CAMTA1: variants seen among roughly 807,000 people sequenced by gnomAD.
The protein encoded by CAMTA1 is calmodulin binding transcription activator 1.
In CAMTA1, 27 loss-of-function variants were observed where a neutral mutation model predicts 170.9. The ratio of observed to expected loss-of-function variants is 0.16; its 90% CI spans 0.12 to 0.22. The LOEUF is 0.22. Among genes scored for constraint, CAMTA1 ranks in the 10% least tolerant of loss-of-function variants. The probability of loss-of-function intolerance (pLI) is 1.00; values close to 1 mark genes in which losing one functional copy is unlikely to be tolerated. For synonymous variants in CAMTA1, 833 were observed against 891.5 expected, an observed-to-expected ratio of 0.93 and a Z score of 1.17; for missense variants, 1,619 against 2,217.2, an observed-to-expected ratio of 0.73 and a Z score of 5.42.
chr1:6,961,433 A>G (rs1004704825), intron 3 of CAMTA1, among the ~76,000 whole-genome samples: 4 of 152,030 alleles, frequency 2.6e-5, no homozygotes, highest in African/African-American at 9.7e-5. Context: ...GGGTGCTGGT[A>G]AGACCTTGGG....
intron 5 of CAMTA1, among the ~76,000 whole-genome samples, chr1:7,351,010 G>A (rs954267003): frequency 2.0e-5 from 3 of 152,222 alleles, no homozygotes; most frequent in African/African-American, 4.8e-5. Context: ...GGTCCTCTAG[G>A]CCCATCACGG....
chr1:7,245,327 CTT>C (rs1665592332), intron 4 of CAMTA1, among the ~76,000 whole-genome samples: 2 of 150,744 alleles, frequency 1.3e-5, no homozygotes, highest in South Asian at 2.1e-4. Context: ...ATATTTCTGT[CTT>C]ATATATAATA....
rs1413231906 is a variant in CAMTA1 at position 7,673,040 on chromosome 1, G to A, written c.2779+2003G>A. Reference sequence around the variant, plus strand: ...GGGACCCCGGCCCGGCGGGAGTGGCGGGGAGGGCACTGTGGAATTAAACAG... The same window carrying A: ...GGGACCCCGGCCCGGCGGGAGTGGCAGGGAGGGCACTGTGGAATTAAACAG... On this transcript the variant is annotated intron_variant, in intron 10 of 22. Transcript: ENST00000303635. The surrounding 1 kb of genome is among the most constrained non-coding windows in gnomAD (Gnocchi z 4.6). Among the ~76,000 whole-genome samples, 3 of 152,166 alleles carry A rather than the reference G, an allele frequency of 2.0e-5. No individual in the cohort carries two copies. The highest frequency in any genetic ancestry group is 2.9e-5 in the Non-Finnish European group (2 of 68,042).
rs1392287368 is a variant in CAMTA1, at chr1:7,064,077, C to CCTCCTCCTCCTTCTT, written c.235-27218_235-27204dup. ...GCCTTTGCCTTCACCTTCTCCTCCT[C>CCTCCTCCTCCTTCTT]CTCCTCCTCCTTCTTCTCCTCCTTC... On this transcript the variant is annotated intron_variant, in intron 3 of 22. Coordinates refer to ENST00000303635, the MANE Select transcript of CAMTA1 (RefSeq NM_015215.4). This position sits in a 1 kb window ranked among gnomAD's most constrained non-coding sequence, Gnocchi z 5.4. Among the ~76,000 whole-genome samples, 1 of 151,808 alleles carries CCTCCTCCTCCTTCTT rather than the reference C, an allele frequency of 6.6e-6. No homozygotes were observed. The highest frequency in any genetic ancestry group is 2.4e-5 in the African/African-American group (1 of 41,298).
intron 6 of CAMTA1, among the ~76,000 whole-genome samples, chr1:7,536,868 G>A (rs1234709678): frequency 6.6e-6 from 1 of 152,116 alleles, no homozygotes; most frequent in African/African-American, 2.4e-5. Context: ...GCTGGCCAAG[G>A]TCTCACTGAC....
chr1:7,189,284 A>G (rs538038472), intron 4 of CAMTA1, among the ~76,000 whole-genome samples: 1 of 152,348 alleles, frequency 6.6e-6, no homozygotes, highest in South Asian at 2.1e-4. Context: ...CCATGCAGCA[A>G]TGAACAAGAA....
chr1:6,883,785 CAGTG>C (rs1190646419), intron 3 of CAMTA1, among the ~76,000 whole-genome samples: 8 of 152,024 alleles, frequency 5.3e-5, no homozygotes, highest in African/African-American at 1.2e-4. Context: ...GTAGCAGTGT[CAGTG>C]AGTCACGTGT....
At chr1:7,382,141 T>C (rs937909668) in intron 5 of CAMTA1, among the ~76,000 whole-genome samples, 1 of 152,194 alleles carries the variant, frequency 6.6e-6, no homozygotes, top group Non-Finnish European at 1.5e-5. Context: ...CAGAATGCAA[T>C]TGCAGTCACA....
intron 5 of CAMTA1, among the ~76,000 whole-genome samples, chr1:7,258,784 G>T (rs1365650507): frequency 6.6e-6 from 1 of 152,096 alleles, no homozygotes. Context: ...CGTCATTGGC[G>T]GCTGTGGCTT....
At chr1:6,873,593 TG>T (rs1166034816) in intron 3 of CAMTA1, among the ~76,000 whole-genome samples, 1 of 152,254 alleles carries the variant, frequency 6.6e-6, no homozygotes, top group East Asian at 1.9e-4. Flanking sequence ...GTACTTTATT[TG>T]TAAGTCCAGT....
intron 6 of CAMTA1, among the ~76,000 whole-genome samples, chr1:7,630,115 C>G (rs1466293903): frequency 6.6e-6 from 1 of 152,208 alleles, no homozygotes; most frequent in African/African-American, 2.4e-5. Flanking sequence ...CGGGCCCCCA[C>G]GCATACGTGC....
chr1:7,340,716 G>GCATC (rs60556819), intron 5 of CAMTA1, among the ~76,000 whole-genome samples: 14,596 of 146,696 alleles, frequency 0.099, 841 homozygotes, highest in Non-Finnish European at 0.13. Context: ...TTCCACCTGT[G>GCATC]CATCCATCCA....
chr1:7,599,840 G>T (rs956457210), intron 6 of CAMTA1, among the ~76,000 whole-genome samples: 14 of 152,174 alleles, frequency 9.2e-5, no homozygotes, highest in Non-Finnish European at 1.6e-4. Flanking sequence ...GAGATTTTGG[G>T]CTGAGACAAT....
At chr1:7,425,172 C>A (rs1231317316) in intron 5 of CAMTA1, among the ~76,000 whole-genome samples, 1 of 152,162 alleles carries the variant, frequency 6.6e-6, no homozygotes, top group Non-Finnish European at 1.5e-5. Flanking sequence ...GCCCACAGAC[C>A]CCAGGCCAAG....
chr1:7,518,856 A>T (rs527695057), intron 6 of CAMTA1, among the ~76,000 whole-genome samples: 1 of 152,124 alleles, frequency 6.6e-6, no homozygotes, highest in East Asian at 1.9e-4. Context: ...AAACTTGGCC[A>T]TACCCTCATT....
At chr1:6,854,732 C>G (rs908785350) in intron 3 of CAMTA1, among the ~76,000 whole-genome samples, 1 of 152,120 alleles carries the variant, frequency 6.6e-6, no homozygotes, top group African/African-American at 2.4e-5. Flanking sequence ...CAGTATAAAT[C>G]ACTAAATTAA....
chr1:6,929,886 A>C (rs1306746071), intron 3 of CAMTA1, among the ~76,000 whole-genome samples: 1 of 152,200 alleles, frequency 6.6e-6, no homozygotes, highest in East Asian at 1.9e-4. Flanking sequence ...AGGTTGGATG[A>C]AAATTCTCCT....
intron 5 of CAMTA1, among the ~76,000 whole-genome samples, chr1:7,268,965 A>G (rs1252969662): frequency 6.6e-6 from 1 of 152,230 alleles, no homozygotes; most frequent in African/African-American, 2.4e-5. Flanking sequence ...AACCAAAGAG[A>G]ATTCTTTGAA....
intron 11 of CAMTA1, among the ~76,000 whole-genome samples, chr1:7,697,086 G>A (rs541796078): frequency 2.6e-5 from 4 of 152,276 alleles, no homozygotes; most frequent in African/African-American, 7.2e-5. Flanking sequence ...GGGCATCCTG[G>A]CCAACTCCCT....
Sources: allele counts gnomAD v4.1 joint callset (sites outside exome capture counted in the v4.1 genomes callset), GRCh38; gene constraint gnomAD v4.1.1; non-coding constraint Gnocchi (gnomAD v3.1); transcripts MANE v1.5; gene names NCBI Gene and HGNC (gene_info 2026-07-23, HGNC 2026-07-21).